Variants in CNTNAP2 observed in about 807,000 individuals in gnomAD.
CNTNAP2 encodes contactin-associated protein-like 2.
A neutral mutation model predicts 155.2 loss-of-function variants in CNTNAP2; 98 were observed. That is an observed-to-expected ratio of 0.63 (90% CI 0.54 to 0.75). The LOEUF (loss-of-function observed/expected upper bound fraction) is 0.75, where lower values mean the gene tolerates loss of function less well. Ranked by LOEUF, CNTNAP2 falls within the 30% of genes least tolerant of loss-of-function variation. CNTNAP2 has a pLI of 0.00. For missense variants in CNTNAP2, 1,727 were observed against 1,688.1 expected (o/e 1.02, Z -0.40); for synonymous variants, 651 against 631.2 (o/e 1.03, Z -0.47).
At chr7:147,779,388 T>A (rs1328825047) in intron 13 of CNTNAP2, among the ~76,000 whole-genome samples, 1 of 152,200 alleles carries the variant, frequency 6.6e-6, no homozygotes, top group Non-Finnish European at 1.5e-5. Flanking sequence ...AATGGCAATT[T>A]TCATGTTGGT....
chr7:147,801,740 G>A (rs545946993), intron 13 of CNTNAP2, among the ~76,000 whole-genome samples: 120 of 152,254 alleles, frequency 7.9e-4, no homozygotes, highest in Admixed American at 3.2e-3. Flanking sequence ...CACAGACACG[G>A]CAACCATCCG....
intron 8 of CNTNAP2, among the ~76,000 whole-genome samples, chr7:147,274,518 G>T (rs547973443): frequency 2.0e-5 from 3 of 151,868 alleles, no homozygotes; most frequent in African/African-American, 7.2e-5. Flanking sequence ...TTTTTTTGTT[G>T]TTGTTGTTGT....
intron 15 of CNTNAP2, among the ~76,000 whole-genome samples, chr7:148,026,934 G>A (rs995432950): frequency 1.3e-5 from 2 of 151,940 alleles, no homozygotes; most frequent in Non-Finnish European, 2.9e-5. Flanking sequence ...CACCCTCTGA[G>A]CAGAGGCAGC....
chr7:147,869,461 A>G (rs762687008), intron 13 of CNTNAP2, among the ~76,000 whole-genome samples: 3 of 152,228 alleles, frequency 2.0e-5, no homozygotes, highest in Non-Finnish European at 4.4e-5. Flanking sequence ...TCAAAGTACA[A>G]CTACTGAAAA....
At chr7:147,741,744 G>A (rs1796960270) in intron 13 of CNTNAP2, among the ~76,000 whole-genome samples, 1 of 152,110 alleles carries the variant, frequency 6.6e-6, no homozygotes, top group African/African-American at 2.4e-5. Flanking sequence ...TTTGTTATTA[G>A]AATTCATGAT....
chr7:146,952,394 C>T (rs1275657534), intron 3 of CNTNAP2, among the ~76,000 whole-genome samples: 1 of 152,112 alleles, frequency 6.6e-6, no homozygotes, highest in East Asian at 1.9e-4. Flanking sequence ...TCTCTCACCA[C>T]TCCTATTCAA....
In CNTNAP2 at chr7:148,118,225, AC is replaced by A; in HGVS notation, c.2496del (p.Trp833GlyfsTer18). ...ADISFYFKTL[T>X]PWGVFLENMG... Reference sequence around the variant, plus strand: ...CATTTCTTTCTACTTCAAAACATTAACCCCCTGGGGAGTGTTTCTTGAAAAT... The same window carrying A: ...CATTTCTTTCTACTTCAAAACATTAACCCCTGGGGAGTGTTTCTTGAAAAT... On this transcript the variant is annotated frameshift_variant, in exon 16 of 24. Transcript: ENST00000361727. LOFTEE classifies it high-confidence loss of function. 6.8e-6 allele frequency: 11 copies of A among 1,614,056 alleles called. No individual in the cohort carries two copies. Among genetic ancestry groups the A allele is most frequent in the Non-Finnish European group, 9.3e-6 (11 of 1,180,002 alleles).
At chr7:146,721,318 T>TCTATATA (rs1801302338) in intron 1 of CNTNAP2, among the ~76,000 whole-genome samples, 1 of 127,714 alleles carries the variant, frequency 7.8e-6, no homozygotes, top group Non-Finnish European at 1.5e-5. Context: ...CTATATATAT[T>TCTATATA]CTATATATAC....
chr7:147,700,150 A>C (rs1172840429), intron 13 of CNTNAP2, among the ~76,000 whole-genome samples: 1 of 152,166 alleles, frequency 6.6e-6, no homozygotes, highest in Non-Finnish European at 1.5e-5. Flanking sequence ...TTTCCCTTCG[A>C]AGGCTTTTTC....
chr7:146,572,605 A>T (rs552124072), intron 1 of CNTNAP2, among the ~76,000 whole-genome samples: 150 of 152,304 alleles, frequency 9.8e-4, no homozygotes, highest in Non-Finnish European at 1.8e-3. Flanking sequence ...GAGGACATGA[A>T]CATATTCTCC....
chr7:147,120,448 A>T (rs1331956105), intron 5 of CNTNAP2, among the ~76,000 whole-genome samples: 2 of 152,168 alleles, frequency 1.3e-5, no homozygotes, highest in Non-Finnish European at 2.9e-5. Flanking sequence ...AGCCCACGTG[A>T]CACTGACTTT....
intron 8 of CNTNAP2, among the ~76,000 whole-genome samples, chr7:147,276,335 A>G (rs550208886): frequency 1.3e-4 from 20 of 151,876 alleles, no homozygotes; most frequent in Non-Finnish European, 2.8e-4. Context: ...TGTTCTTGGA[A>G]GATTTTTTGT....
intron 1 of CNTNAP2, among the ~76,000 whole-genome samples, chr7:146,588,129 C>T (rs1798725071): frequency 1.3e-5 from 2 of 152,000 alleles, no homozygotes; most frequent in African/African-American, 2.4e-5. Flanking sequence ...GCTGTAGGCT[C>T]TATACTCTCT....
chr7:147,079,686 C>A (rs1375933331), intron 4 of CNTNAP2, among the ~76,000 whole-genome samples: 1 of 151,490 alleles, frequency 6.6e-6, no homozygotes, highest in Admixed American at 6.6e-5. Context: ...ATAATACACA[C>A]CCTGCCACTT....
At chr7:147,893,752 A>T (rs1799730184) in intron 13 of CNTNAP2, among the ~76,000 whole-genome samples, 1 of 152,172 alleles carries the variant, frequency 6.6e-6, no homozygotes, top group African/African-American at 2.4e-5. Flanking sequence ...CCCCCACTTC[A>T]TCCTCCTGTA....
chr7:147,941,626 G>A (rs1257965979), intron 14 of CNTNAP2, among the ~76,000 whole-genome samples: 1 of 152,126 alleles, frequency 6.6e-6, no homozygotes, highest in Non-Finnish European at 1.5e-5. Flanking sequence ...GTTCTTACTC[G>A]CTCAATTGCC....
intron 15 of CNTNAP2, among the ~76,000 whole-genome samples, chr7:148,102,709 G>C (rs1047739029): frequency 6.6e-6 from 1 of 152,272 alleles, no homozygotes; most frequent in Admixed American, 6.5e-5. Context: ...GTACCTCTTC[G>C]TGCAGTGAAA....
intron 2 of CNTNAP2, among the ~76,000 whole-genome samples, chr7:146,828,093 T>C (rs1488168520): frequency 6.6e-6 from 1 of 152,048 alleles, no homozygotes; most frequent in Admixed American, 6.6e-5. Context: ...GCTTATAAAA[T>C]ATTCTAAAAG....
intron 1 of CNTNAP2, among the ~76,000 whole-genome samples, chr7:146,587,893 T>C (rs1798718986): frequency 6.6e-6 from 1 of 151,908 alleles, no homozygotes; most frequent in African/African-American, 2.4e-5. Context: ...AGGCTAGTCT[T>C]GAACTCCTGA....
Sources: gnomAD v4.1 joint callset for allele counts (sites outside exome capture counted in the v4.1 genomes callset) on GRCh38, gnomAD v4.1.1 for gene constraint, MANE v1.5 for transcripts, NCBI Gene and HGNC (gene_info 2026-07-23, HGNC 2026-07-21) for gene names.